The following CTNNAL1 variants were observed in gnomAD, a reference collection of about 807,000 sequenced individuals.
CTNNAL1 encodes catenin alpha like 1.
In CTNNAL1, 69 loss-of-function variants were observed where a neutral mutation model predicts 93.6. The ratio of observed to expected loss-of-function variants is 0.74; its 90% CI spans 0.61 to 0.90. The LOEUF (loss-of-function observed/expected upper bound fraction) is 0.90, where lower values mean the gene tolerates loss of function less well. Among genes scored for constraint, CTNNAL1 ranks in the 40% least tolerant of loss-of-function variants. The probability of loss-of-function intolerance (pLI) is 0.00; values close to 1 mark genes in which losing one functional copy is unlikely to be tolerated. For synonymous variants in CTNNAL1, 286 were observed against 305.4 expected, an observed-to-expected ratio of 0.94 and a Z score of 0.66; for missense variants, 836 against 862.0, an observed-to-expected ratio of 0.97 and a Z score of 0.38.
Position 108,960,630 on chromosome 9 carries a change from G to A in CTNNAL1, c.1591+4748C>T, listed in dbSNP as rs534037531. The stretch of plus-strand genomic sequence containing the variant: ...GAGCTGCATCTCTATAAACTGAAGC[G>A]TAGTCATATTTACTCTGAAATGATT... On this transcript the variant is annotated intron_variant, in intron 11 of 18. Coordinates refer to ENST00000325551, the MANE Select transcript of CTNNAL1 (RefSeq NM_003798.4). Among the ~76,000 whole-genome samples the A allele has an allele frequency of 3.9e-5, 6 of 152,302 alleles. No homozygotes were observed. The South Asian group carries it at 6.2e-4, about 16-fold the overall frequency.
intron 11 of CTNNAL1, among the ~76,000 whole-genome samples, chr9:108,961,345 G>C (rs1180207388): frequency 1.3e-5 from 2 of 152,192 alleles, no homozygotes; most frequent in Admixed American, 6.5e-5. Flanking sequence ...GGTTAACCCA[G>C]AGATGGACTT....
In CTNNAL1 at chr9:109,006,605, G is replaced by T. The variant is rs570815468; in HGVS notation, c.141+6697C>A. Among the ~76,000 whole-genome samples the T allele has an allele frequency of 3.9e-5, 6 of 152,280 alleles. No homozygotes were observed. The South Asian group carries it at 1.2e-3, about 32-fold the overall frequency. ...GATATTAAATTGAGAGTCATAACTTGGAGTTGCCCTGACACCAGAGTCTAG... is the reference window on the plus strand; with the variant it reads ...GATATTAAATTGAGAGTCATAACTTTGAGTTGCCCTGACACCAGAGTCTAG... On this transcript the variant is annotated intron_variant, in intron 1 of 18. Coordinates refer to ENST00000325551, the MANE Select transcript of CTNNAL1 (RefSeq NM_003798.4).
chr9:108,947,549 G>A (rs1020381772), intron 15 of CTNNAL1, among the ~76,000 whole-genome samples: 1 of 152,098 alleles, frequency 6.6e-6, no homozygotes, highest in African/African-American at 2.4e-5. Context: ...GCTAACATGG[G>A]GATCAGGGAA....
chr9:108,975,584 T>C (rs1011152983), intron 8 of CTNNAL1, among the ~76,000 whole-genome samples: 7 of 152,166 alleles, frequency 4.6e-5, no homozygotes, highest in African/African-American at 1.4e-4. Flanking sequence ...CCCAGCTCTA[T>C]CTAGTTGGAG....
At chr9:108,970,364 G>T (rs2304780) in intron 10 of CTNNAL1, 38 bp downstream of exon 10, 6 of 1,570,230 alleles carry the variant, frequency 3.8e-6, no homozygotes, top group Non-Finnish European at 5.2e-6. Flanking sequence ...CACTCAGATA[G>T]GACACAATAC....
At chr9:109,000,788 C>T (rs932952906) in intron 1 of CTNNAL1, among the ~76,000 whole-genome samples, 2 of 151,066 alleles carry the variant, frequency 1.3e-5, no homozygotes, top group Non-Finnish European at 1.5e-5. Flanking sequence ...GATAGTGGGT[C>T]GGGGGCAAGT....
intron 8 of CTNNAL1, among the ~76,000 whole-genome samples, chr9:108,973,775 G>T (rs1043472354): frequency 6.7e-5 from 10 of 150,322 alleles, no homozygotes; most frequent in African/African-American, 2.5e-4. Context: ...ATCTGACTTT[G>T]AATTAAATCT....
At chr9:108,999,740 G>A (rs1439436400) in intron 1 of CTNNAL1, among the ~76,000 whole-genome samples, 1 of 152,108 alleles carries the variant, frequency 6.6e-6, no homozygotes. Flanking sequence ...AAATTAACTA[G>A]ATACTTTAGA....
intron 8 of CTNNAL1, 31 bp from the exon 9 acceptor site, chr9:108,972,864 G>GGGCCAC: frequency 7.0e-6 from 1 of 142,590 alleles, no homozygotes; most frequent in Non-Finnish European, 1.0e-5. Flanking sequence ...GGGGGGGTGG[G>GGGCCAC]AGGGTGGAGA....
intron 12 of CTNNAL1, 78 bp downstream of exon 12, chr9:108,955,712 G>A (rs1264725618): frequency 7.3e-6 from 9 of 1,225,138 alleles, no homozygotes; most frequent in Non-Finnish European, 1.1e-5. Flanking sequence ...TGGTAGAGGG[G>A]AGCAGCAACA....
intron 4 of CTNNAL1, 85 bp from the exon 5 acceptor site, chr9:108,984,521 C>T: frequency 1.6e-6 from 1 of 611,238 alleles, no homozygotes; most frequent in Non-Finnish European, 2.9e-6. Flanking sequence ...AACACTAATA[C>T]TCAAGAATTC....
intron 15 of CTNNAL1, among the ~76,000 whole-genome samples, chr9:108,945,662 A>G (rs1830383089): frequency 1.3e-5 from 2 of 148,726 alleles, no homozygotes; most frequent in African/African-American, 2.5e-5. Flanking sequence ...TTTTGTAGAG[A>G]CAAGGTCTCA....
intron 14 of CTNNAL1, chr9:108,950,479 T>G: frequency 6.5e-7 from 1 of 1,545,570 alleles, no homozygotes; most frequent in Non-Finnish European, 8.7e-7. Flanking sequence ...AATTTCTAAC[T>G]CCTATCATTT....
chr9:108,961,156 G>C (rs1246798311), intron 11 of CTNNAL1, among the ~76,000 whole-genome samples: 2 of 152,224 alleles, frequency 1.3e-5, no homozygotes, highest in Admixed American at 6.5e-5. Flanking sequence ...TACAGCAAAG[G>C]CTTTTCAACA....
In CTNNAL1 at chr9:108,947,180, C is replaced by T. The variant is rs372178536; in HGVS notation, c.1884+1006G>A. 1.8e-3 allele frequency among the ~76,000 whole-genome samples: 269 copies of T among 146,106 alleles called. 1 individual carries two copies. The highest frequency in any genetic ancestry group is 6.5e-3 in the African/African-American group (257 of 39,592). ...CCAGACTGGAGTGCAGTGGCGTGAT[C>T]TCAGCTCACTGCAAGCTCCGCCTCC... On this transcript the variant is annotated intron_variant, in intron 15 of 18. Transcript: ENST00000325551.
rs1831362284 is a variant in CTNNAL1 at position 108,979,454 on chromosome 9, G to T, written c.928C>A (p.Leu310Ile). The change falls in exon 7 of 19, where the codon CTT becomes ATT. Residue 310 changes from leucine to isoleucine, a missense_variant. Leu to Ile is a conservative substitution (Grantham distance 5, BLOSUM62 2). Transcript: ENST00000325551. ...KMNIEALREN[L>I]YFQSKENLSV... Reference sequence around the variant, plus strand: ...AGGTTCTCTTTGGACTGAAAATAAAGATTCTCCCGAAGAGCTTCAATATTC... The same window carrying T: ...AGGTTCTCTTTGGACTGAAAATAAATATTCTCCCGAAGAGCTTCAATATTC... The T allele has an allele frequency of 6.2e-7, 1 of 1,613,898 alleles. No individual in the cohort carries two copies. Among genetic ancestry groups the T allele is most frequent in the Middle Eastern group, 1.6e-4 (1 of 6,082 alleles).
At chr9:108,969,318 T>G (rs1289543450) in intron 10 of CTNNAL1, among the ~76,000 whole-genome samples, 1 of 151,814 alleles carries the variant, frequency 6.6e-6, no homozygotes, top group Non-Finnish European at 1.5e-5. Context: ...TTCCTTAGAT[T>G]AATTTGACAG....
At chr9:108,948,457 T>A (rs1019399044) in intron 14 of CTNNAL1, among the ~76,000 whole-genome samples, 3 of 152,228 alleles carry the variant, frequency 2.0e-5, no homozygotes, top group Non-Finnish European at 2.9e-5. Context: ...GTTAATTTCA[T>A]AATATAAAAA....
chr9:108,992,166 A>G (rs1199338276), intron 3 of CTNNAL1: 1 of 646,620 alleles, frequency 1.5e-6, no homozygotes, highest in Non-Finnish European at 2.8e-6. Context: ...TTCTTTCCAA[A>G]TGTTGTACAC....
Sources: gnomAD v4.1 joint callset for allele counts (sites outside exome capture counted in the v4.1 genomes callset) on GRCh38, gnomAD v4.1.1 for gene constraint, MANE v1.5 for transcripts, NCBI Gene and HGNC (gene_info 2026-07-23, HGNC 2026-07-21) for gene names.